The following GRHL2 variants were observed in gnomAD, a reference collection of about 807,000 sequenced individuals.
The protein encoded by GRHL2 is grainyhead like transcription factor 2, also known as grainyhead-like protein 2 homolog.
GRHL2 carries 21 observed loss-of-function variants against 83.8 expected under a neutral mutation model. That is an observed-to-expected ratio of 0.25 (90% CI 0.18 to 0.36). The LOEUF (loss-of-function observed/expected upper bound fraction) is 0.36, where lower values mean the gene tolerates loss of function less well. Among genes scored for constraint, GRHL2 ranks in the 10% least tolerant of loss-of-function variants. The pLI is 1.00. For synonymous variants in GRHL2, 280 were observed against 278.9 expected (o/e 1.00, Z -0.04); for missense variants, 623 against 781.8 (o/e 0.80, Z 2.42).
In GRHL2 at chr8:101,666,906, G is replaced by T; in HGVS notation, c.*203G>T. 1.6e-6 allele frequency: 1 copy of T among 632,424 alleles called. No homozygotes were observed. Among genetic ancestry groups the T allele is most frequent in the Non-Finnish European group, 2.8e-6 (1 of 351,312 alleles). The allele number at this position is 632,424 out of a possible 1,614,324, so 39.2% of individuals were successfully genotyped here. On this transcript the variant is annotated 3_prime_UTR_variant, in exon 16 of 16. Transcript: ENST00000646743. The stretch of plus-strand genomic sequence containing the variant: ...CACTGGCACCTACCACGGAGCTGAA[G>T]CCTGAGCCCCTCAGGAAGGTGCCTT...
chr8:101,598,919 C>T (rs1037683838), intron 7 of GRHL2, 138 bp from the exon 8 acceptor site: 40 of 673,650 alleles, frequency 5.9e-5, no homozygotes, highest in Non-Finnish European at 1.0e-4. Flanking sequence ...CAGTGAGCAC[C>T]AGTCCTTAAC....
intron 14 of GRHL2, among the ~76,000 whole-genome samples, chr8:101,663,619 A>AAAT (rs1455468397): frequency 7.6e-6 from 1 of 131,566 alleles, no homozygotes; most frequent in East Asian, 2.3e-4. Context: ...CTCAAAAAAT[A>AAAT]AATAAATAAA....
chr8:101,605,864 C>T (rs1812622597), intron 8 of GRHL2, among the ~76,000 whole-genome samples: 1 of 152,210 alleles, frequency 6.6e-6, no homozygotes, highest in Admixed American at 6.5e-5. Context: ...TTTTCTTCTC[C>T]ATGCCTTTAC....
chr8:101,615,010 G>A (rs1055144966), intron 8 of GRHL2, among the ~76,000 whole-genome samples: 19 of 152,170 alleles, frequency 1.2e-4, no homozygotes, highest in Non-Finnish European at 2.8e-4. Context: ...AGCAGAAAAG[G>A]CAGATTCTTG....
At chr8:101,640,274 C>T (rs1435243536) in intron 12 of GRHL2, among the ~76,000 whole-genome samples, 1 of 152,104 alleles carries the variant, frequency 6.6e-6, no homozygotes, top group Non-Finnish European at 1.5e-5. Context: ...TTATTATAAG[C>T]ATTAATGTAT....
intron 3 of GRHL2, among the ~76,000 whole-genome samples, chr8:101,555,123 C>G (rs185992230): frequency 2.8e-4 from 43 of 152,344 alleles, no homozygotes; most frequent in African/African-American, 1.0e-3. Context: ...AATTAAGAAA[C>G]TTTGCCCCAA....
rs548811580 is a variant in GRHL2, at chr8:101,669,305, A to C, written c.*2602A>C. 3 of 145,500 alleles carry C rather than the reference A, an allele frequency of 2.1e-5. No homozygotes were observed. In the East Asian group the frequency reaches 6.0e-4, roughly 29 times the overall value. The allele number at this position is 145,500 out of a possible 1,614,324, so 9.0% of individuals were successfully genotyped here. On this transcript the variant is annotated 3_prime_UTR_variant, in exon 16 of 16. Transcript: ENST00000646743. Reference sequence around the variant, plus strand: ...CTGAACAGAACAAGACTTTTTCCTCATACATCTCCAAATTGTTTAAACTTA... The same window carrying C: ...CTGAACAGAACAAGACTTTTTCCTCCTACATCTCCAAATTGTTTAAACTTA...
At chr8:101,629,942 G>T (rs1465417489) in intron 9 of GRHL2, among the ~76,000 whole-genome samples, 1 of 151,980 alleles carries the variant, frequency 6.6e-6, no homozygotes, top group Admixed American at 6.6e-5. Flanking sequence ...GAATTTCCAT[G>T]ATCTGCAAGT....
chr8:101,538,748 G>A (rs1811093811), intron 1 of GRHL2, among the ~76,000 whole-genome samples: 1 of 152,178 alleles, frequency 6.6e-6, no homozygotes, highest in African/African-American at 2.4e-5. Context: ...TTTGCTCAGT[G>A]TACCAGAGAG....
intron 13 of GRHL2, among the ~76,000 whole-genome samples, chr8:101,648,032 G>A (rs1813548414): frequency 6.6e-6 from 1 of 152,158 alleles, no homozygotes; most frequent in Non-Finnish European, 1.5e-5. Context: ...TCCCTAGATG[G>A]CCATGGAGCT....
intron 1 of GRHL2, among the ~76,000 whole-genome samples, chr8:101,539,794 A>G (rs923135163): frequency 6.6e-6 from 1 of 152,072 alleles, no homozygotes; most frequent in Admixed American, 6.6e-5. Context: ...ATTCCTACCT[A>G]TGCTTCAGCT....
intron 1 of GRHL2, among the ~76,000 whole-genome samples, chr8:101,525,687 G>A (rs569006494): frequency 7.1e-4 from 108 of 152,086 alleles, no homozygotes; most frequent in African/African-American, 2.5e-3. Context: ...AAACATAACT[G>A]GTTGGGTGTG....
intron 8 of GRHL2, among the ~76,000 whole-genome samples, chr8:101,610,570 A>C (rs7835187): frequency 0.5 from 75,137 of 150,458 alleles, 21,080 homozygotes; most frequent in African/African-American, 0.71. Flanking sequence ...ACGATAGTAA[A>C]ATTCTTTCGA....
At chr8:101,641,715 A>T (rs1813404993) in intron 12 of GRHL2, among the ~76,000 whole-genome samples, 1 of 152,196 alleles carries the variant, frequency 6.6e-6, no homozygotes, top group African/African-American at 2.4e-5. Flanking sequence ...AATTGATGTC[A>T]GAGAAAGCAC....
the GRHL2 span, among the ~76,000 whole-genome samples, chr8:101,675,851 C>A: frequency 1.9e-3 from 257 of 131,828 alleles, no homozygotes; most frequent in Non-Finnish European, 2.5e-3. Context: ...GGTACTGGTA[C>A]CAAAACAGAG....
chr8:101,655,942 C>T (rs917930728), intron 14 of GRHL2, among the ~76,000 whole-genome samples: 1 of 152,176 alleles, frequency 6.6e-6, no homozygotes, highest in Admixed American at 6.5e-5. Flanking sequence ...AGCAGGGCCA[C>T]TCATACCTCA....
chr8:101,539,961 G>A (rs1374236308), intron 1 of GRHL2, among the ~76,000 whole-genome samples: 1 of 152,158 alleles, frequency 6.6e-6, no homozygotes, highest in African/African-American at 2.4e-5. Context: ...AGAACATTAT[G>A]TCACGTGCCA....
intron 4 of GRHL2, among the ~76,000 whole-genome samples, chr8:101,568,463 C>A (rs1394769005): frequency 1.3e-5 from 2 of 152,234 alleles, no homozygotes; most frequent in Admixed American, 1.3e-4. Context: ...CTATGAAATC[C>A]CCCTATAATT....
In GRHL2 at chr8:101,656,292, A is replaced by G. The variant is rs954240599; in HGVS notation, c.1698+6793A>G. Reference sequence around the variant, plus strand: ...CTGCTGTATGTATACCCCTAGACTGAGTGCTGTGGGTGGTGTGATCTTCAC... The same window carrying G: ...CTGCTGTATGTATACCCCTAGACTGGGTGCTGTGGGTGGTGTGATCTTCAC... On this transcript the variant is annotated intron_variant, in intron 14 of 15. Transcript: ENST00000646743. Among the ~76,000 whole-genome samples the G allele has an allele frequency of 2.0e-5, 3 of 152,164 alleles. No homozygotes were observed. The South Asian group carries it at 6.2e-4, about 31-fold the overall frequency.
Sources: gnomAD v4.1 joint callset for allele counts (sites outside exome capture counted in the v4.1 genomes callset) on GRCh38, gnomAD v4.1.1 for gene constraint, MANE v1.5 for transcripts, NCBI Gene and HGNC (gene_info 2026-07-23, HGNC 2026-07-21) for gene names.